The following RGS7 variants were observed in gnomAD, a reference collection of about 807,000 sequenced individuals.
The protein encoded by RGS7 is regulator of G protein signaling 7.
A neutral mutation model predicts 81.1 loss-of-function variants in RGS7; 27 were observed. The ratio of observed to expected loss-of-function variants is 0.33; its 90% CI spans 0.25 to 0.46. The LOEUF is 0.46. RGS7 is among the 20% of genes least tolerant of loss of function. The pLI is 1.00. For missense variants in RGS7, 396 were observed against 607.4 expected (o/e 0.65, Z 3.66); for synonymous variants, 208 against 207.7 (o/e 1.00, Z -0.01).
chr1:241,040,484 T>G (rs2148765020), intron 3 of RGS7, among the ~76,000 whole-genome samples: 1 of 151,634 alleles, frequency 6.6e-6, no homozygotes, highest in Non-Finnish European at 1.5e-5. Context: ...TTTCTTTTTA[T>G]TTATTTATTT....
chr1:240,793,785 T>G (rs936700824), intron 18 of RGS7, among the ~76,000 whole-genome samples: 20 of 151,330 alleles, frequency 1.3e-4, no homozygotes, highest in African/African-American at 4.6e-4. Context: ...AATTTTTTTT[T>G]GTATTGTTAG....
chr1:241,100,975 G>A (rs909008252), intron 2 of RGS7, among the ~76,000 whole-genome samples: 14 of 152,324 alleles, frequency 9.2e-5, no homozygotes, highest in Non-Finnish European at 1.6e-4. Flanking sequence ...GGCCTGCAGG[G>A]CCCACTCTTT....
intron 2 of RGS7, among the ~76,000 whole-genome samples, chr1:241,175,678 C>T (rs1416078338): frequency 6.6e-6 from 1 of 152,082 alleles, no homozygotes; most frequent in Admixed American, 6.5e-5. Flanking sequence ...GAGGGAAATC[C>T]ACCACAGAGC....
At chr1:241,101,233 C>T (rs1191124566) in intron 2 of RGS7, among the ~76,000 whole-genome samples, 5 of 152,298 alleles carry the variant, frequency 3.3e-5, no homozygotes, top group South Asian at 2.1e-4. Flanking sequence ...CGGTGGCTCA[C>T]GCCTGTAATC....
intron 2 of RGS7, among the ~76,000 whole-genome samples, chr1:241,189,912 G>C (rs1053575363): frequency 2.0e-5 from 3 of 151,838 alleles, no homozygotes; most frequent in Non-Finnish European, 2.9e-5. Flanking sequence ...TCAGGAGATC[G>C]AGCCCACGGT....
At chr1:241,351,286 G>A (rs1357587119) in intron 2 of RGS7, among the ~76,000 whole-genome samples, 1 of 152,088 alleles carries the variant, frequency 6.6e-6, no homozygotes, top group Non-Finnish European at 1.5e-5. Flanking sequence ...AGGCATCATG[G>A]CACCCACCTG....
At chr1:240,799,253 T>TTGTG (rs143900617) in intron 18 of RGS7, among the ~76,000 whole-genome samples, 22,088 of 58,976 alleles carry the variant, frequency 0.37, 2,791 homozygotes, top group African/African-American at 0.44. Flanking sequence ...TTATTATGGT[T>TTGTG]TGTGTGTGTG....
chr1:240,959,000 C>T (rs1240283573), intron 4 of RGS7, among the ~76,000 whole-genome samples: 1 of 152,212 alleles, frequency 6.6e-6, no homozygotes, highest in East Asian at 1.9e-4. Flanking sequence ...GCACACTTTA[C>T]ACCTGGTATA....
chr1:240,907,009 G>T (rs978051289), intron 6 of RGS7, among the ~76,000 whole-genome samples: 11 of 152,194 alleles, frequency 7.2e-5, no homozygotes, highest in African/African-American at 2.7e-4. Flanking sequence ...ACTTTTTAGT[G>T]TATTCTAAAC....
chr1:241,153,873 C>A (rs891367975), intron 2 of RGS7, among the ~76,000 whole-genome samples: 1 of 152,130 alleles, frequency 6.6e-6, no homozygotes, highest in Non-Finnish European at 1.5e-5. Flanking sequence ...GGGGTTTGAA[C>A]GTGAGGAGGA....
chr1:241,041,576 C>T (rs1019888333), intron 3 of RGS7, among the ~76,000 whole-genome samples: 1 of 152,250 alleles, frequency 6.6e-6, no homozygotes, highest in African/African-American at 2.4e-5. Flanking sequence ...TGTCTAGTGG[C>T]AAAGGTGCCC....
At chr1:241,051,725 C>T (rs1270399445) in intron 3 of RGS7, among the ~76,000 whole-genome samples, 1 of 152,152 alleles carries the variant, frequency 6.6e-6, no homozygotes, top group Admixed American at 6.6e-5. Flanking sequence ...AACCAAGATG[C>T]ATGCATTTGC....
chr1:241,165,473 C>T (rs111582246), intron 2 of RGS7, among the ~76,000 whole-genome samples: 21,749 of 151,780 alleles, frequency 0.14, 1,956 homozygotes, highest in Middle Eastern at 0.27. Flanking sequence ...AGTTCATGTC[C>T]TTTGTAGGGA....
At chr1:240,949,299 T>G (rs58650454) in intron 4 of RGS7, among the ~76,000 whole-genome samples, 4,067 of 152,310 alleles carry the variant, frequency 0.027, 78 homozygotes, top group East Asian at 0.065. Context: ...CATTATTTAC[T>G]CATACCAGGT....
At chr1:240,984,903 A>G (rs1165969429) in intron 3 of RGS7, among the ~76,000 whole-genome samples, 3 of 152,252 alleles carry the variant, frequency 2.0e-5, no homozygotes, top group African/African-American at 7.2e-5. Flanking sequence ...CAATTTCAGC[A>G]TGCATGCATT....
chr1:240,814,844 A>T, intron 11 of RGS7, 67 bp from the exon 12 acceptor site: 3 of 994,202 alleles, frequency 3.0e-6, no homozygotes, highest in Non-Finnish European at 4.9e-6. Context: ...ACTCTAAATC[A>T]TGATCAGCTG....
At chr1:241,120,635 C>T (rs867693903) in intron 2 of RGS7, among the ~76,000 whole-genome samples, 14 of 152,098 alleles carry the variant, frequency 9.2e-5, no homozygotes, top group Admixed American at 2.6e-4. Flanking sequence ...CATGAGCCAC[C>T]GCGCCTGGCC....
At chr1:241,356,801 G>T (rs1380879824) in intron 1 of RGS7, 98 bp downstream of exon 1, 5 of 149,904 alleles carry the variant, frequency 3.3e-5, no homozygotes, top group Non-Finnish European at 7.4e-5. Context: ...CTGCGCCCGC[G>T]GACGCTCCCG....
chr1:240,863,116 G>C (rs908076186), intron 9 of RGS7, among the ~76,000 whole-genome samples: 3 of 152,088 alleles, frequency 2.0e-5, no homozygotes, highest in African/African-American at 7.2e-5. Context: ...CATCATACCT[G>C]GCTAATGTTT....
Sources: gnomAD v4.1 joint callset for allele counts (sites outside exome capture counted in the v4.1 genomes callset) on GRCh38, gnomAD v4.1.1 for gene constraint, MANE v1.5 for transcripts, NCBI Gene and HGNC (gene_info 2026-07-23, HGNC 2026-07-21) for gene names.